The following ABCA13 variants were observed in gnomAD, a reference collection of about 807,000 sequenced individuals.
ABCA13 encodes ATP-binding cassette sub-family A member 13.
Under a neutral mutation model 478.7 loss-of-function variants are expected in ABCA13, and 476 were observed. That is an observed-to-expected ratio of 0.99 (90% CI 0.92 to 1.07). The LOEUF is 1.07. Ranked by LOEUF, ABCA13 falls within the 50% of genes least tolerant of loss-of-function variation. ABCA13 has a pLI of 0.00. For synonymous variants in ABCA13, 2,252 were observed against 2,158.9 expected (o/e 1.04, Z -1.20); for missense variants, 6,060 against 5,910.6 (o/e 1.03, Z -0.83).
chr7:48,306,502 G>C (rs1478675914), intron 23 of ABCA13, among the ~76,000 whole-genome samples: 6 of 152,144 alleles, frequency 3.9e-5, no homozygotes, highest in Admixed American at 3.9e-4. Context: ...TTGTGGGACT[G>C]ATCAAAGAGA....
intron 47 of ABCA13, among the ~76,000 whole-genome samples, chr7:48,486,345 C>T (rs140354519): frequency 4.6e-5 from 7 of 152,270 alleles, no homozygotes; most frequent in East Asian, 1.9e-4. Context: ...AAGAGAGCTC[C>T]GTACCCAGGT....
At chr7:48,636,024 G>T (rs963597557) in intron 59 of ABCA13, among the ~76,000 whole-genome samples, 1 of 152,078 alleles carries the variant, frequency 6.6e-6, no homozygotes, top group Non-Finnish European at 1.5e-5. Flanking sequence ...TTTCATGCTG[G>T]TATTGTACCT....
At chr7:48,511,339 A>C (rs1831666620) in intron 51 of ABCA13, 140 bp downstream of exon 51, 1 of 708,350 alleles carries the variant, frequency 1.4e-6, no homozygotes, top group Non-Finnish European at 2.3e-6. Flanking sequence ...AGGGACACGG[A>C]GCAAACAAGC....
intron 29 of ABCA13, among the ~76,000 whole-genome samples, chr7:48,339,818 A>G (rs896813482): frequency 6.6e-6 from 1 of 152,158 alleles, no homozygotes; most frequent in Non-Finnish European, 1.5e-5. Context: ...CCGACCCTGT[A>G]CAGCCCTCTG....
intron 29 of ABCA13, among the ~76,000 whole-genome samples, chr7:48,341,843 T>A (rs1807226379): frequency 7.0e-6 from 1 of 143,646 alleles, no homozygotes; most frequent in African/African-American, 2.5e-5. Context: ...GATATATATA[T>A]ATATATCTTT....
rs541968728 is a variant in ABCA13 at position 48,182,335 on chromosome 7, C to T, written c.70-10624C>T. Reference sequence around the variant, plus strand: ...TTTATACATATTTTAGATACTTTCCCAATTGTTTCCTCATTAAAAATCTAT... The same window carrying T: ...TTTATACATATTTTAGATACTTTCCTAATTGTTTCCTCATTAAAAATCTAT... On this transcript the variant is annotated intron_variant, in intron 1 of 61. Transcript: ENST00000435803. 3.9e-5 allele frequency among the ~76,000 whole-genome samples: 6 copies of T among 152,190 alleles called. No homozygotes were observed. In the East Asian group the frequency reaches 1.2e-3, roughly 29 times the overall value.
At chr7:48,564,983 T>C (rs4144061) in intron 55 of ABCA13, among the ~76,000 whole-genome samples, 21,028 of 151,996 alleles carry the variant, frequency 0.14, 1,806 homozygotes, top group African/African-American at 0.23. Context: ...TGGAACTGTA[T>C]TGTTTTCTGG....
At chr7:48,619,912 T>A (rs1792968316) in intron 59 of ABCA13, among the ~76,000 whole-genome samples, 1 of 152,264 alleles carries the variant, frequency 6.6e-6, no homozygotes, top group South Asian at 2.1e-4. Flanking sequence ...AAGACACCCC[T>A]CCATAACAGG....
chr7:48,198,728 G>A (rs1798273327), intron 3 of ABCA13, among the ~76,000 whole-genome samples: 1 of 152,164 alleles, frequency 6.6e-6, no homozygotes, highest in Admixed American at 6.5e-5. Context: ...TACCTACTGG[G>A]TTTTTTCTCC....
intron 3 of ABCA13, among the ~76,000 whole-genome samples, chr7:48,207,198 A>G (rs1167013495): frequency 2.6e-5 from 4 of 151,992 alleles, no homozygotes; most frequent in Non-Finnish European, 4.4e-5. Flanking sequence ...TTATCCATTT[A>G]TATGTTGATG....
chr7:48,197,467 T>G (rs1798083749), intron 2 of ABCA13, among the ~76,000 whole-genome samples: 1 of 152,086 alleles, frequency 6.6e-6, no homozygotes, highest in African/African-American at 2.4e-5. Flanking sequence ...TCCAGGGCAG[T>G]TCAGTAGAGG....
At chr7:48,376,922 T>A (rs997576073) in intron 35 of ABCA13, among the ~76,000 whole-genome samples, 2 of 151,530 alleles carry the variant, frequency 1.3e-5, no homozygotes, top group African/African-American at 4.9e-5. Flanking sequence ...AGGGTGGGGG[T>A]GCTCAGAGTG....
intron 43 of ABCA13, among the ~76,000 whole-genome samples, chr7:48,465,149 C>T (rs1826729273): frequency 6.6e-6 from 1 of 152,126 alleles, no homozygotes; most frequent in Non-Finnish European, 1.5e-5. Context: ...TGGAGGGATT[C>T]AAATACTATT....
chr7:48,256,908 A>G (rs932975234), intron 15 of ABCA13, among the ~76,000 whole-genome samples: 1 of 151,870 alleles, frequency 6.6e-6, no homozygotes, highest in South Asian at 2.1e-4. Flanking sequence ...GCTTTGGGAA[A>G]TCTTAATAAT....
At position 48,281,361 on chromosome 7, in the gene ABCA13, A is replaced by G; in HGVS notation, c.8745A>G (p.Glu2915=). 6.2e-7 allele frequency: 1 copy of G among 1,606,536 alleles called. No homozygotes were observed. The highest frequency in any genetic ancestry group is 8.5e-7 in the Non-Finnish European group (1 of 1,176,424). The part of the protein sequence containing the change: ...LTDQSVVEIC[E]VFQQTVKPSE... ...TGCTAAGTGTTGTTGAGATTTGTGA[A>G]GTTTTCCAGCAGACTGTGAAGCCCT... The change falls in exon 19 of 62, where the codon GAA becomes GAG. Residue 2915 remains glutamate (E), a synonymous_variant. Transcript: ENST00000435803.
At chr7:48,411,911 C>T (rs1252253193) in intron 40 of ABCA13, among the ~76,000 whole-genome samples, 10 of 152,308 alleles carry the variant, frequency 6.6e-5, no homozygotes, top group African/African-American at 1.9e-4. Context: ...TCTCATTCAG[C>T]GTGAATGTCA....
Position 48,310,124 on chromosome 7 carries a change from CG to C in ABCA13, c.9500del (p.Arg3167GlnfsTer8), listed in dbSNP as rs1357929244. ...IVLLSRNLDVRAFIYKTLMPS... is the reference protein window; with the variant it reads ...IVLLSRNLDVXAFIYKTLMPS... ...GTTGCTGAGTCGAAACTTGGATGTG[CG>C]AGCTTTCATTTACAAGGTATGGAGA... On this transcript the variant is annotated frameshift_variant, in exon 24 of 62. Coordinates refer to ENST00000435803, the MANE Select transcript of ABCA13 (RefSeq NM_152701.5). LOFTEE classifies it high-confidence loss of function. The C allele has an allele frequency of 5.0e-6, 8 of 1,610,074 alleles. No homozygotes were observed. The highest frequency in any genetic ancestry group is 5.9e-6 in the Non-Finnish European group (7 of 1,177,634).
intron 41 of ABCA13, among the ~76,000 whole-genome samples, chr7:48,424,497 C>T (rs893219092): frequency 3.3e-5 from 5 of 152,110 alleles, no homozygotes; most frequent in East Asian, 3.8e-4. Flanking sequence ...AACAAAATGG[C>T]GTTGAATGAG....
chr7:48,389,248 A>G (rs754307882), intron 37 of ABCA13, 28 bp downstream of exon 37: 36 of 1,581,486 alleles, frequency 2.3e-5, no homozygotes, highest in Non-Finnish European at 3.0e-5. Flanking sequence ...CTTATCAAAC[A>G]CTGGGCATTT....
Sources: allele counts gnomAD v4.1 joint callset (sites outside exome capture counted in the v4.1 genomes callset), GRCh38; gene constraint gnomAD v4.1.1; transcripts MANE v1.5; gene names NCBI Gene and HGNC (gene_info 2026-07-23, HGNC 2026-07-21).